The following NAV3 variants were observed in gnomAD, a reference collection of about 807,000 sequenced individuals.
The protein encoded by NAV3 is pore membrane and/or filament interacting like protein 1.
In NAV3, 87 loss-of-function variants were observed where a neutral mutation model predicts 244.7. The observed-to-expected ratio is 0.36, with a 90% CI of 0.30 to 0.42. NAV3 has a LOEUF of 0.42. NAV3 is among the 20% of genes least tolerant of loss of function. The pLI is 1.00. For synonymous variants in NAV3, 1,126 were observed against 1,042.2 expected (o/e 1.08, Z -1.55); for missense variants, 2,663 against 2,893.3 (o/e 0.92, Z 1.83).
At chr12:77,577,727 T>TA (rs1869158212) in intron 2 of NAV3, among the ~76,000 whole-genome samples, 1 of 152,192 alleles carries the variant, frequency 6.6e-6, no homozygotes, top group Non-Finnish European at 1.5e-5. Context: ...ATAATGATAC[T>TA]AATTATTATT....
intron 20 of NAV3, chr12:78,145,140 A>G (rs987433463): frequency 8.6e-6 from 2 of 232,296 alleles, no homozygotes; most frequent in African/African-American, 2.4e-5. Flanking sequence ...TAAAAAATAA[A>G]ATCTTTCCTT....
intron 2 of NAV3, among the ~76,000 whole-genome samples, chr12:77,754,921 A>G (rs986288701): frequency 9.2e-5 from 14 of 152,242 alleles, no homozygotes; most frequent in Non-Finnish European, 2.1e-4. Flanking sequence ...TTGTGAAAGA[A>G]GAAAATAAAC....
At chr12:77,667,957 C>G (rs1458781113) in intron 2 of NAV3, among the ~76,000 whole-genome samples, 2 of 152,218 alleles carry the variant, frequency 1.3e-5, no homozygotes, top group African/African-American at 2.4e-5. Context: ...GACCTGAAGA[C>G]AGATCACATC....
chr12:78,031,743 G>A (rs1221227570), intron 9 of NAV3, among the ~76,000 whole-genome samples: 1 of 112,494 alleles, frequency 8.9e-6, no homozygotes, highest in African/African-American at 3.4e-5. Context: ...GGTGGGGTGG[G>A]GGGAGGGGGG....
chr12:77,713,771 T>C (rs1876231934), intron 2 of NAV3, among the ~76,000 whole-genome samples: 1 of 152,178 alleles, frequency 6.6e-6, no homozygotes, highest in Non-Finnish European at 1.5e-5. Context: ...ATGTGTATAA[T>C]ATCTAGTAGT....
At chr12:77,706,611 C>T (rs1018899680) in intron 2 of NAV3, among the ~76,000 whole-genome samples, 2 of 151,052 alleles carry the variant, frequency 1.3e-5, no homozygotes, top group African/African-American at 4.9e-5. Flanking sequence ...GTGGCTCATG[C>T]CGGTAATCCA....
chr12:77,922,958 A>C (rs1018019523), intron 1 of NAV3, among the ~76,000 whole-genome samples: 2 of 152,022 alleles, frequency 1.3e-5, no homozygotes, highest in African/African-American at 2.4e-5. Flanking sequence ...TTATACGTAC[A>C]TCTTAAGATG....
chr12:78,090,013 A>G (rs572079951), intron 12 of NAV3, among the ~76,000 whole-genome samples: 44 of 152,122 alleles, frequency 2.9e-4, no homozygotes, highest in Middle Eastern at 3.4e-3. Context: ...TCTTGTTTGC[A>G]TATTTTATTA....
chr12:77,741,784 T>C (rs988988735), intron 2 of NAV3, among the ~76,000 whole-genome samples: 1 of 152,192 alleles, frequency 6.6e-6, no homozygotes, highest in Non-Finnish European at 1.5e-5. Flanking sequence ...CAAATGAGTG[T>C]GATGACAAAT....
chr12:77,850,035 A>G (rs1877270806), intron 1 of NAV3, among the ~76,000 whole-genome samples: 1 of 152,212 alleles, frequency 6.6e-6, no homozygotes, highest in Non-Finnish European at 1.5e-5. Flanking sequence ...TAAGCGTCCC[A>G]TTTATTGATA....
intron 22 of NAV3, among the ~76,000 whole-genome samples, chr12:78,153,734 A>G (rs1957165084): frequency 6.6e-6 from 1 of 152,088 alleles, no homozygotes; most frequent in African/African-American, 2.4e-5. Context: ...CTTTCAGCAG[A>G]TAAGTCTTTT....
At chr12:77,766,090 G>A (rs1191488226) in intron 2 of NAV3, among the ~76,000 whole-genome samples, 1 of 152,168 alleles carries the variant, frequency 6.6e-6, no homozygotes, top group East Asian at 1.9e-4. Flanking sequence ...TCTTGACGGA[G>A]AAGAGAGAAA....
chr12:78,076,963 T>G (rs1170088706), intron 12 of NAV3, among the ~76,000 whole-genome samples: 1 of 152,198 alleles, frequency 6.6e-6, no homozygotes, highest in Non-Finnish European at 1.5e-5. Flanking sequence ...AAATTCTGCT[T>G]AAAGTATCTT....
At chr12:77,898,071 A>G (rs1884832095) in intron 1 of NAV3, among the ~76,000 whole-genome samples, 1 of 152,112 alleles carries the variant, frequency 6.6e-6, no homozygotes, top group Non-Finnish European at 1.5e-5. Flanking sequence ...GATTATTTTT[A>G]TTCACATTTT....
intron 2 of NAV3, among the ~76,000 whole-genome samples, chr12:77,785,759 C>T (rs970114523): frequency 6.6e-6 from 1 of 152,106 alleles, no homozygotes; most frequent in African/African-American, 2.4e-5. Context: ...GCTTCATGGT[C>T]TTTCTCATGA....
At chr12:78,040,331 A>C (rs576770101) in intron 9 of NAV3, among the ~76,000 whole-genome samples, 3 of 152,284 alleles carry the variant, frequency 2.0e-5, no homozygotes, top group African/African-American at 7.2e-5. Flanking sequence ...CAGTGTCATA[A>C]GTGAATGTCA....
At chr12:78,103,212 A>G (rs1032637296) in intron 12 of NAV3, among the ~76,000 whole-genome samples, 1 of 152,160 alleles carries the variant, frequency 6.6e-6, no homozygotes, top group Non-Finnish European at 1.5e-5. Context: ...TCTGTCAGAT[A>G]CCCTAAATCA....
Position 78,185,502 on chromosome 12 carries a change from A to G in NAV3, c.5693-99A>G. 4 of 1,023,356 alleles carry G rather than the reference A, an allele frequency of 3.9e-6. No homozygotes were observed. The Admixed American group carries it at 8.6e-5, about 22-fold the overall frequency. The allele number at this position is 1,023,356 out of a possible 1,614,324, so 63.4% of individuals were successfully genotyped here. On this transcript the variant is annotated intron_variant, in intron 30 of 39. Transcript: ENST00000397909. The stretch of plus-strand genomic sequence containing the variant: ...TAGGCTAGAATGGGAAGCAAATCCC[A>G]TTGAAAGATATAAAACTATGAGGGA...
At chr12:77,877,053 G>A (rs1480994102) in intron 1 of NAV3, among the ~76,000 whole-genome samples, 3 of 151,950 alleles carry the variant, frequency 2.0e-5, no homozygotes, top group East Asian at 3.9e-4. Context: ...TTAAAGCTAT[G>A]CAGAAAATTC....
Sources: gnomAD v4.1 joint callset for allele counts (sites outside exome capture counted in the v4.1 genomes callset) on GRCh38, gnomAD v4.1.1 for gene constraint, MANE v1.5 for transcripts, NCBI Gene and HGNC (gene_info 2026-07-23, HGNC 2026-07-21) for gene names.